CAPZA2: variants seen among roughly 807,000 people sequenced by gnomAD.
The protein encoded by CAPZA2 is capping actin protein of muscle Z-line subunit alpha 2, also known as F-actin-capping protein subunit alpha-2.
Under a neutral mutation model 44.0 loss-of-function variants are expected in CAPZA2, and 13 were observed. The observed-to-expected ratio is 0.30, with a 90% CI of 0.19 to 0.47. The LOEUF (loss-of-function observed/expected upper bound fraction) is 0.47, where lower values mean the gene tolerates loss of function less well. Ranked by LOEUF, CAPZA2 falls within the 20% of genes least tolerant of loss-of-function variation. The pLI, the probability that CAPZA2 is intolerant of heterozygous loss-of-function variation, is 1.00. For missense variants in CAPZA2, 244 were observed against 338.6 expected (o/e 0.72, Z 2.19); for synonymous variants, 94 against 108.2 (o/e 0.87, Z 0.81).
intron 6 of CAPZA2, 111 bp from the exon 7 acceptor site, chr7:116,910,122 T>C: frequency 2.8e-6 from 2 of 718,264 alleles, no homozygotes; most frequent in South Asian, 3.0e-5. Context: ...TAATGTCCAG[T>C]ATTCATCCCC....
chr7:116,873,433 T>C (rs577619794), intron 1 of CAPZA2: 2 of 152,388 alleles, frequency 1.3e-5, no homozygotes, highest in South Asian at 2.1e-4. Flanking sequence ...TTTTTTTTAA[T>C]TTTTGTTAGT....
At chr7:116,898,245 T>C (rs1014707803) in intron 3 of CAPZA2, among the ~76,000 whole-genome samples, 3 of 151,978 alleles carry the variant, frequency 2.0e-5, no homozygotes, top group Admixed American at 2.0e-4. Flanking sequence ...CTTCTCACTG[T>C]TGCCTCAACA....
At chr7:116,909,550 T>C (rs1286856645) in intron 6 of CAPZA2, among the ~76,000 whole-genome samples, 1 of 151,946 alleles carries the variant, frequency 6.6e-6, no homozygotes, top group Non-Finnish European at 1.5e-5. Flanking sequence ...ATGCCTTTTA[T>C]GTGGAGACTT....
At chr7:116,909,075 A>G (rs1398785031) in intron 6 of CAPZA2, among the ~76,000 whole-genome samples, 4 of 152,102 alleles carry the variant, frequency 2.6e-5, no homozygotes, top group Non-Finnish European at 5.9e-5. Flanking sequence ...TGCTCCAATA[A>G]TCGTTTCCTT....
chr7:116,890,969 T>C (rs1796840067), intron 2 of CAPZA2, among the ~76,000 whole-genome samples: 1 of 152,096 alleles, frequency 6.6e-6, no homozygotes, highest in East Asian at 1.9e-4. Context: ...TGCTGTTTCC[T>C]AGGCTGACTG....
At chr7:116,903,905 G>A (rs1297046501) in intron 4 of CAPZA2, among the ~76,000 whole-genome samples, 1 of 152,152 alleles carries the variant, frequency 6.6e-6, no homozygotes, top group Non-Finnish European at 1.5e-5. Context: ...AAACCCACTT[G>A]AACAGTGTTT....
intron 8 of CAPZA2, among the ~76,000 whole-genome samples, chr7:116,913,503 A>G (rs1199943782): frequency 6.6e-6 from 1 of 152,052 alleles, no homozygotes; most frequent in East Asian, 1.9e-4. Flanking sequence ...TTTTAAGTTC[A>G]TCTTTCAAAT....
At chr7:116,884,604 C>T (rs943790205) in intron 1 of CAPZA2, among the ~76,000 whole-genome samples, 3 of 152,020 alleles carry the variant, frequency 2.0e-5, no homozygotes, top group African/African-American at 7.2e-5. Context: ...ATGGTTTGTT[C>T]GTTTTTATTG....
At chr7:116,872,958 A>G (rs1366204217) in intron 1 of CAPZA2, among the ~76,000 whole-genome samples, 1 of 152,190 alleles carries the variant, frequency 6.6e-6, no homozygotes, top group Non-Finnish European at 1.5e-5. Flanking sequence ...CTAGGTCCCC[A>G]TTCTCTGGAG....
At chr7:116,872,839 CAAG>C (rs1796569498) in intron 1 of CAPZA2, among the ~76,000 whole-genome samples, 2 of 152,298 alleles carry the variant, frequency 1.3e-5, no homozygotes, top group East Asian at 1.9e-4. Flanking sequence ...AGTCATTTCT[CAAG>C]AAGACTAGAC....
At chr7:116,905,769 T>C (rs1585013174) in intron 5 of CAPZA2, among the ~76,000 whole-genome samples, 1 of 152,182 alleles carries the variant, frequency 6.6e-6, no homozygotes, top group East Asian at 1.9e-4. Context: ...AGAGGTGAAA[T>C]AGCATTGTGA....
At chr7:116,903,935 T>C (rs1042977081) in intron 4 of CAPZA2, among the ~76,000 whole-genome samples, 1 of 152,200 alleles carries the variant, frequency 6.6e-6, no homozygotes, top group Non-Finnish European at 1.5e-5. Flanking sequence ...GCATTTTTTT[T>C]CACCAGTAGC....
chr7:116,883,004 A>T (rs1247154759), intron 1 of CAPZA2, among the ~76,000 whole-genome samples: 1 of 152,228 alleles, frequency 6.6e-6, no homozygotes, highest in Non-Finnish European at 1.5e-5. Context: ...AATAAAACTA[A>T]TAACTCTTTC....
At chr7:116,891,540 C>T (rs980492742) in intron 2 of CAPZA2, among the ~76,000 whole-genome samples, 2 of 152,160 alleles carry the variant, frequency 1.3e-5, no homozygotes, top group African/African-American at 4.8e-5. Flanking sequence ...GAGATGGAGT[C>T]TCGCTCTGTT....
chr7:116,903,233 A>AGAGTGTGTGTGT lies in CAPZA2; in HGVS notation c.220-943_220-942insAGTGTGTGTGTG, dbSNP rs372696249. ...TTGAAAGAAGCCAGATGCAGAGAAG[A>AGAGTGTGTGTGT]GTGTGTGTGTGTGTGTGTGTGTGTG... is the stretch of plus-strand genomic sequence containing the variant. On this transcript the variant is annotated intron_variant, in intron 4 of 9. Coordinates refer to ENST00000361183, the MANE Select transcript of CAPZA2 (RefSeq NM_006136.3). Among the ~76,000 whole-genome samples the AGAGTGTGTGTGT allele has an allele frequency of 1.8e-3, 264 of 146,436 alleles. 1 individual carries two copies. Among genetic ancestry groups the AGAGTGTGTGTGT allele is most frequent in the African/African-American group, 5.5e-3 (220 of 40,050 alleles).
intron 6 of CAPZA2, among the ~76,000 whole-genome samples, chr7:116,909,213 C>T (rs1791554042): frequency 6.6e-6 from 1 of 151,908 alleles, no homozygotes. Flanking sequence ...AGTATTGAAC[C>T]CAGAAATCAT....
intron 1 of CAPZA2, among the ~76,000 whole-genome samples, chr7:116,882,117 G>T (rs1451202254): frequency 6.6e-6 from 1 of 152,288 alleles, no homozygotes; most frequent in East Asian, 1.9e-4. Context: ...TAAAGGTGGT[G>T]TATGGCGAGT....
chr7:116,877,990 A>G (rs560656579), intron 1 of CAPZA2, among the ~76,000 whole-genome samples: 1 of 152,364 alleles, frequency 6.6e-6, no homozygotes, highest in Non-Finnish European at 1.5e-5. Context: ...GACTTGAGCA[A>G]GAGACACTCG....
At chr7:116,864,361 G>A (rs1276096574) in intron 1 of CAPZA2, among the ~76,000 whole-genome samples, 1 of 152,132 alleles carries the variant, frequency 6.6e-6, no homozygotes, top group African/African-American at 2.4e-5. Context: ...CTTATTATCT[G>A]GCACTCTCAG....
Sources: allele counts gnomAD v4.1 joint callset (sites outside exome capture counted in the v4.1 genomes callset), GRCh38; gene constraint gnomAD v4.1.1; transcripts MANE v1.5; gene names NCBI Gene and HGNC (gene_info 2026-07-23, HGNC 2026-07-21).